MACROD2: variants seen among roughly 807,000 people sequenced by gnomAD.
MACROD2 encodes the protein ADP-ribose glycohydrolase MACROD2.
MACROD2 carries 36 observed loss-of-function variants against 70.4 expected under a neutral mutation model. That is an observed-to-expected ratio of 0.51 (90% CI 0.39 to 0.68). MACROD2 has a LOEUF of 0.68. MACROD2 is among the 30% of genes least tolerant of loss of function. MACROD2 has a pLI of 0.00. For missense variants in MACROD2, 496 were observed against 538.4 expected (o/e 0.92, Z 0.78); for synonymous variants, 172 against 178.8 (o/e 0.96, Z 0.30).
At chr20:15,123,611 T>TTTTAC (rs946745727) in intron 5 of MACROD2, among the ~76,000 whole-genome samples, 9 of 151,930 alleles carry the variant, frequency 5.9e-5, no homozygotes, top group African/African-American at 1.9e-4. Flanking sequence ...ATTGCACTTA[T>TTTTAC]TTTTTAAGTA....
At chr20:15,240,658 T>A (rs2146004448) in intron 6 of MACROD2, among the ~76,000 whole-genome samples, 1 of 152,346 alleles carries the variant, frequency 6.6e-6, no homozygotes, top group East Asian at 1.9e-4. Context: ...ATGTATGGAC[T>A]GAATTGTGTC....
rs141229480 is a variant in MACROD2, at chr20:15,511,030, G to A, written c.645+11183G>A. 5.8e-3 allele frequency among the ~76,000 whole-genome samples: 881 copies of A among 152,264 alleles called. 5 individuals are homozygous for A. Among genetic ancestry groups the A allele is most frequent in the Non-Finnish European group, 9.4e-3 (641 of 68,018 alleles). ...GTCAGATTCACATCTGTGATTCCAG[G>A]TTAAGGGCCTCAGGCAAGGAAGCGA... is the stretch of plus-strand genomic sequence containing the variant. On this transcript the variant is annotated intron_variant, in intron 8 of 17. Transcript: ENST00000684519.
chr20:15,287,623 G>T (rs1191830255), intron 6 of MACROD2, among the ~76,000 whole-genome samples: 1 of 152,184 alleles, frequency 6.6e-6, no homozygotes, highest in East Asian at 1.9e-4. Context: ...AGGGAAGTCT[G>T]CAGTGGAAGC....
intron 4 of MACROD2, among the ~76,000 whole-genome samples, chr20:14,502,727 T>A (rs1343974820): frequency 6.6e-5 from 10 of 152,190 alleles, no homozygotes; most frequent in African/African-American, 2.4e-4. Flanking sequence ...GGGAATAACC[T>A]GAATTGTTGG....
intron 3 of MACROD2, among the ~76,000 whole-genome samples, chr20:14,272,838 G>T (rs1239139797): frequency 6.6e-6 from 1 of 152,128 alleles, no homozygotes; most frequent in Non-Finnish European, 1.5e-5. Context: ...GGCAGGGGTT[G>T]CAATCCTAGT....
At chr20:15,713,987 G>GCGCGCA (rs1555868663) in intron 8 of MACROD2, among the ~76,000 whole-genome samples, 1 of 117,698 alleles carries the variant, frequency 8.5e-6, no homozygotes, top group South Asian at 3.2e-4. Context: ...ACACACATAT[G>GCGCGCA]CACACACACA....
At chr20:15,991,941 G>A (rs1601288009) in intron 15 of MACROD2, among the ~76,000 whole-genome samples, 1 of 152,206 alleles carries the variant, frequency 6.6e-6, no homozygotes, top group South Asian at 2.1e-4. Context: ...AAAGTTTTAA[G>A]CTAAATTGTT....
At chr20:15,103,499 G>A (rs2075888828) in intron 5 of MACROD2, among the ~76,000 whole-genome samples, 2 of 152,132 alleles carry the variant, frequency 1.3e-5, no homozygotes, top group Admixed American at 1.3e-4. Context: ...GGAAGGAGGT[G>A]AGGACACTGG....
At chr20:15,523,117 A>G (rs1264192110) in intron 8 of MACROD2, among the ~76,000 whole-genome samples, 2 of 152,180 alleles carry the variant, frequency 1.3e-5, no homozygotes, top group East Asian at 1.9e-4. Flanking sequence ...CCAGCCATCT[A>G]TGGCAGTCTC....
At chr20:14,325,486 C>T (rs2082718074) in intron 3 of MACROD2, 18 of 1,470,780 alleles carry the variant, frequency 1.2e-5, no homozygotes, top group Non-Finnish European at 1.7e-5. Flanking sequence ...TGCAGTAGAA[C>T]AGGGTTCCTA....
At chr20:14,702,605 ATATATGTG>A (rs2071214473) in intron 5 of MACROD2, among the ~76,000 whole-genome samples, 2 of 66,316 alleles carry the variant, frequency 3.0e-5, no homozygotes, top group South Asian at 7.2e-4. Flanking sequence ...ATGTGTGTAT[ATATATGTG>A]TATATATATA....
Position 14,052,388 on chromosome 20 carries a change from C to G in MACROD2, c.164-33233C>G, listed in dbSNP as rs369377368. ...AGAAACCAATGGGAAATGTTTAGATCTGTGAATTGTACTAAATTTTAAATA... is the reference window on the plus strand; with the variant it reads ...AGAAACCAATGGGAAATGTTTAGATGTGTGAATTGTACTAAATTTTAAATA... On this transcript the variant is annotated intron_variant, in intron 2 of 17. Coordinates refer to ENST00000684519, the MANE Select transcript of MACROD2 (RefSeq NM_001351661.2). Among the ~76,000 whole-genome samples the G allele has an allele frequency of 5.3e-5, 8 of 152,140 alleles. No homozygotes were observed. In the East Asian group the frequency reaches 9.6e-4, roughly 18 times the overall value.
chr20:15,060,946 G>A (rs554034456), intron 5 of MACROD2, among the ~76,000 whole-genome samples: 30 of 152,284 alleles, frequency 2.0e-4, no homozygotes, highest in Admixed American at 9.8e-4. Context: ...TTACAATGCC[G>A]TGATTTTTAA....
At chr20:14,161,042 T>A (rs1427698434) in intron 3 of MACROD2, among the ~76,000 whole-genome samples, 1 of 152,172 alleles carries the variant, frequency 6.6e-6, no homozygotes. Flanking sequence ...ATCTTTATGT[T>A]CGTGCATACC....
chr20:15,890,728 T>C (rs1341958601), intron 10 of MACROD2, among the ~76,000 whole-genome samples: 3 of 152,180 alleles, frequency 2.0e-5, no homozygotes, highest in Non-Finnish European at 4.4e-5. Context: ...AGCACATCTA[T>C]CAAATGTGGG....
intron 17 of MACROD2, among the ~76,000 whole-genome samples, 175 bp from the exon 18 acceptor site, chr20:16,049,655 T>A (rs1213524508): frequency 6.6e-6 from 1 of 152,224 alleles, no homozygotes; most frequent in Admixed American, 6.5e-5. Flanking sequence ...AAAGATACCA[T>A]GTGCCAGCAA....
chr20:14,602,130 G>C (rs1175812939), intron 4 of MACROD2, among the ~76,000 whole-genome samples: 1 of 152,134 alleles, frequency 6.6e-6, no homozygotes, highest in Non-Finnish European at 1.5e-5. Context: ...GGTGAGGAGG[G>C]CAGAATTTAT....
At chr20:14,014,234 C>A (rs1204909614) in intron 2 of MACROD2, among the ~76,000 whole-genome samples, 1 of 142,162 alleles carries the variant, frequency 7.0e-6, no homozygotes, top group Non-Finnish European at 1.5e-5. Context: ...CCCCCTCCCC[C>A]CCACCCCCAA....
At chr20:15,483,671 A>G (rs2047127642) in intron 7 of MACROD2, among the ~76,000 whole-genome samples, 1 of 152,140 alleles carries the variant, frequency 6.6e-6, no homozygotes, top group Non-Finnish European at 1.5e-5. Flanking sequence ...CATCTTGACA[A>G]TATTGAGTAT....
Sources: gnomAD v4.1 joint callset for allele counts (sites outside exome capture counted in the v4.1 genomes callset) on GRCh38, gnomAD v4.1.1 for gene constraint, MANE v1.5 for transcripts, NCBI Gene and HGNC (gene_info 2026-07-23, HGNC 2026-07-21) for gene names.